The following CDC42SE2 variants were observed in gnomAD, a reference collection of about 807,000 sequenced individuals.
CDC42SE2 encodes CDC42 small effector 2.
In CDC42SE2, 3 loss-of-function variants were observed where a neutral mutation model predicts 11.5. The observed-to-expected ratio is 0.26, with a 90% CI of 0.12 to 0.67. The LOEUF is 0.67. CDC42SE2 is among the 30% of genes least tolerant of loss of function. CDC42SE2 has a pLI of 0.80. For missense variants in CDC42SE2, 82 were observed against 106.8 expected, an observed-to-expected ratio of 0.77 and a Z score of 1.02; for synonymous variants, 33 against 34.8, an observed-to-expected ratio of 0.95 and a Z score of 0.18.
intron 2 of CDC42SE2, among the ~76,000 whole-genome samples, chr5:131,352,190 A>C (rs1335652207): frequency 6.6e-6 from 1 of 152,202 alleles, no homozygotes; most frequent in East Asian, 1.9e-4. Context: ...CAAAGTGGTA[A>C]AACTGGTTTA....
chr5:131,246,330 C>T lies in CDC42SE2; in HGVS notation n.107+731C>T, dbSNP rs1252697734. On this transcript the variant is annotated intron_variant and non_coding_transcript_variant, in intron 1 of 3. Coordinates refer to the CDC42SE2 transcript ENST00000502840. ...AATTAGCTGGGAGTGGTGGTGGGCA[C>T]CTGTAATCCCAGCTACTCAGAAGGC... Among the ~76,000 whole-genome samples the T allele has an allele frequency of 3.3e-5, 5 of 152,138 alleles. No individual in the cohort carries two copies. The South Asian group carries it at 8.3e-4, about 25-fold the overall frequency.
Position 131,279,851 on chromosome 5 carries a change from T to A in CDC42SE2, c.-455+15685T>A, listed in dbSNP as rs189812277. On this transcript the variant is annotated intron_variant, in intron 1 of 4. Coordinates refer to ENST00000505065, the MANE Select transcript of CDC42SE2 (RefSeq NM_001375635.1). ...CACTTTGGGAGGCTGAGGTGGGCGA[T>A]TGCTTGAGTACAGGAGTTCGAGATC... 8.6e-4 allele frequency among the ~76,000 whole-genome samples: 131 copies of A among 152,294 alleles called. 1 individual carries two copies. The highest frequency in any genetic ancestry group is 1.1e-3 in the Non-Finnish European group (75 of 68,006).
chr5:131,273,442 C>T (rs914804806), intron 1 of CDC42SE2, among the ~76,000 whole-genome samples: 76 of 149,826 alleles, frequency 5.1e-4, no homozygotes, highest in African/African-American at 1.6e-3. Context: ...AGGCATGAGC[C>T]ACTGCGCCCA....
chr5:131,343,525 C>G (rs1325496023), intron 2 of CDC42SE2, among the ~76,000 whole-genome samples: 1 of 152,000 alleles, frequency 6.6e-6, no homozygotes, highest in East Asian at 1.9e-4. Flanking sequence ...CCAGCCTGAC[C>G]AACATGGAGA....
At chr5:131,363,537 C>T (rs182915889) in intron 3 of CDC42SE2, among the ~76,000 whole-genome samples, 1 of 151,700 alleles carries the variant, frequency 6.6e-6, no homozygotes, top group South Asian at 2.1e-4. Context: ...CCACCATGCC[C>T]AGCTAATTTT....
chr5:131,345,298 G>A (rs1758812406), intron 2 of CDC42SE2, among the ~76,000 whole-genome samples: 1 of 152,098 alleles, frequency 6.6e-6, no homozygotes, highest in Non-Finnish European at 1.5e-5. Context: ...ACAGTGTAGA[G>A]AAGTCCTTAC....
chr5:131,367,310 GT>G (rs1749889920), intron 3 of CDC42SE2, among the ~76,000 whole-genome samples: 1 of 151,844 alleles, frequency 6.6e-6, no homozygotes, highest in African/African-American at 2.4e-5. Context: ...GTAAATTCTT[GT>G]ACATATCTCA....
chr5:131,371,323 A>C (rs1409927979), intron 3 of CDC42SE2, among the ~76,000 whole-genome samples: 1 of 152,072 alleles, frequency 6.6e-6, no homozygotes, highest in Non-Finnish European at 1.5e-5. Flanking sequence ...ATTCTAGGTC[A>C]GTTCTCAGTT....
chr5:131,311,045 T>C (rs1034331210), intron 1 of CDC42SE2, among the ~76,000 whole-genome samples: 7 of 151,640 alleles, frequency 4.6e-5, no homozygotes, highest in African/African-American at 1.7e-4. Flanking sequence ...CTGGATGGTC[T>C]TTACATTTTG....
intron 1 of CDC42SE2, among the ~76,000 whole-genome samples, chr5:131,250,025 A>G (rs1043810275): frequency 6.6e-6 from 1 of 152,226 alleles, no homozygotes; most frequent in African/African-American, 2.4e-5. Context: ...TGGGTACTAA[A>G]CAACAACAAA....
intron 3 of CDC42SE2, among the ~76,000 whole-genome samples, chr5:131,382,254 T>C (rs1162232057): frequency 1.3e-5 from 2 of 152,222 alleles, no homozygotes; most frequent in African/African-American, 4.8e-5. Context: ...AGCTTTTGAA[T>C]ATTCTCAGTA....
chr5:131,309,158 G>C (rs901537067), intron 1 of CDC42SE2, among the ~76,000 whole-genome samples: 1 of 152,198 alleles, frequency 6.6e-6, no homozygotes, highest in Non-Finnish European at 1.5e-5. Flanking sequence ...AGCAAGAAGT[G>C]TTATTGAATT....
At chr5:131,274,814 A>G (rs928011233) in intron 1 of CDC42SE2, among the ~76,000 whole-genome samples, 11 of 152,242 alleles carry the variant, frequency 7.2e-5, no homozygotes, top group African/African-American at 2.6e-4. Flanking sequence ...TGCTAGTAGG[A>G]ATAGAGCTTC....
At chr5:131,339,019 G>A (rs1415591458) in intron 2 of CDC42SE2, among the ~76,000 whole-genome samples, 2 of 151,958 alleles carry the variant, frequency 1.3e-5, no homozygotes, top group Non-Finnish European at 2.9e-5. Flanking sequence ...AGACCGAGGC[G>A]GGTGGATCAT....
chr5:131,315,366 A>G (rs1758019889), intron 1 of CDC42SE2, among the ~76,000 whole-genome samples: 1 of 152,206 alleles, frequency 6.6e-6, no homozygotes, highest in Non-Finnish European at 1.5e-5. Flanking sequence ...GCAGAGAAAC[A>G]TGCTTGGCTG....
intron 1 of CDC42SE2, chr5:131,253,102 T>G (rs1343279332): frequency 6.6e-6 from 1 of 152,186 alleles, no homozygotes; most frequent in Non-Finnish European, 1.5e-5. Context: ...GCAGGACCTC[T>G]GTCAGAGAAT....
chr5:131,311,576 A>G (rs1345357407), intron 1 of CDC42SE2, among the ~76,000 whole-genome samples: 3 of 152,186 alleles, frequency 2.0e-5, no homozygotes, highest in South Asian at 2.1e-4. Context: ...ACTTTCAGGT[A>G]TACCAATCAG....
intron 2 of CDC42SE2, among the ~76,000 whole-genome samples, chr5:131,347,679 T>G (rs1758883491): frequency 1.3e-5 from 2 of 152,106 alleles, no homozygotes; most frequent in Admixed American, 1.3e-4. Context: ...TACTAAAGCC[T>G]GGCAGAGACA....
At position 131,252,650 on chromosome 5, in the gene CDC42SE2, C is replaced by T. The variant is rs563093648; in HGVS notation, n.108-2445C>T. Among the ~76,000 whole-genome samples, 59 of 152,252 alleles carry T rather than the reference C, an allele frequency of 3.9e-4. 1 individual carries two copies. In the South Asian group the frequency reaches 8.3e-3, roughly 21 times the overall value. On this transcript the variant is annotated intron_variant and non_coding_transcript_variant, in intron 1 of 3. Coordinates refer to the CDC42SE2 transcript ENST00000502840. ...CAGCCTGGGTGACAGAGCGAGACTTCGTCTCAAAAACAACAACAACAAAAA... is the reference window on the plus strand; with the variant it reads ...CAGCCTGGGTGACAGAGCGAGACTTTGTCTCAAAAACAACAACAACAAAAA...
Sources: gnomAD v4.1 joint callset for allele counts (sites outside exome capture counted in the v4.1 genomes callset) on GRCh38, gnomAD v4.1.1 for gene constraint, MANE v1.5 for transcripts, NCBI Gene and HGNC (gene_info 2026-07-23, HGNC 2026-07-21) for gene names.